The following PCDHGA10 variants were observed in gnomAD, a reference collection of about 807,000 sequenced individuals.
PCDHGA10 encodes the protein protocadherin gamma-A10.
Under a neutral mutation model 59.5 loss-of-function variants are expected in PCDHGA10, and 42 were observed. The observed-to-expected ratio is 0.71, with a 90% CI of 0.55 to 0.91. The LOEUF is 0.91. Among genes scored for constraint, PCDHGA10 ranks in the 40% least tolerant of loss-of-function variants. The pLI is 0.00. For missense variants in PCDHGA10, 1,111 were observed against 1,198.2 expected (o/e 0.93, Z 1.07); for synonymous variants, 511 against 517.2 (o/e 0.99, Z 0.16).
Position 141,423,508 on chromosome 5 carries a change from A to T in PCDHGA10, c.2436+7897A>T, listed in dbSNP as rs962526072. ...AACCTATTCCCACGAGGTCTCTCTCATTGCGGACTCGCAGAAGAGTCACCT... is the reference window on the plus strand; with the variant it reads ...AACCTATTCCCACGAGGTCTCTCTCTTTGCGGACTCGCAGAAGAGTCACCT... On this transcript the variant is annotated intron_variant, in intron 1 of 3. Coordinates refer to ENST00000398610, the MANE Select transcript of PCDHGA10 (RefSeq NM_018913.3). The T allele has an allele frequency of 9.9e-6, 16 of 1,613,742 alleles. No homozygotes were observed. The highest frequency in any genetic ancestry group is 1.6e-4 in the Middle Eastern group (1 of 6,084).
intron 1 of PCDHGA10, among the ~76,000 whole-genome samples, chr5:141,468,089 T>C (rs1349447353): frequency 6.6e-6 from 1 of 151,010 alleles, no homozygotes; most frequent in Non-Finnish European, 1.5e-5. Context: ...CTTTGGGAGG[T>C]TGAGGCAGGC....
intron 1 of PCDHGA10, among the ~76,000 whole-genome samples, chr5:141,463,380 A>G (rs994170903): frequency 2.0e-5 from 3 of 149,876 alleles, no homozygotes; most frequent in Admixed American, 6.7e-5. Context: ...ACAGTCTGAA[A>G]GTTGTCTCCA....
At chr5:141,445,538 G>A (rs1188324168) in intron 1 of PCDHGA10, among the ~76,000 whole-genome samples, 1 of 152,168 alleles carries the variant, frequency 6.6e-6, no homozygotes, top group African/African-American at 2.4e-5. Flanking sequence ...AGCCAACAAG[G>A]AGAAATACAA....
intron 1 of PCDHGA10, chr5:141,419,399 G>T (rs893535249): frequency 6.2e-7 from 1 of 1,613,470 alleles, no homozygotes. Context: ...GAGCGGGGTG[G>T]TGTTCGCGCA....
rs764976894 is a variant in PCDHGA10, at chr5:141,476,238, G to T, written c.2437-18569G>T. On this transcript the variant is annotated intron_variant, in intron 1 of 3. Transcript: ENST00000398610. The surrounding 1 kb of genome is among the most constrained non-coding windows in gnomAD (Gnocchi z 7.6). ...ATTCACTATGAGATCCCGGAGGAAA[G>T]AGAGAAGGGTTTCGCTGTGGGCAAC... is the stretch of plus-strand genomic sequence containing the variant. The T allele has an allele frequency of 3.1e-6, 5 of 1,614,098 alleles. No individual in the cohort carries two copies. The highest frequency in any genetic ancestry group is 4.2e-6 in the Non-Finnish European group (5 of 1,180,012).
At chr5:141,418,830 G>T (rs371820904) in intron 1 of PCDHGA10, 44 of 1,613,858 alleles carry the variant, frequency 2.7e-5, no homozygotes, top group Non-Finnish European at 3.6e-5. Flanking sequence ...GCAAAAGACC[G>T]AGGATCTCTC....
rs1396744157 is a variant in PCDHGA10 at position 141,432,439 on chromosome 5, C to G, written c.2436+16828C>G. 22 of 1,614,108 alleles carry G rather than the reference C, an allele frequency of 1.4e-5. No individual in the cohort carries two copies. The highest frequency in any genetic ancestry group is 1.7e-5 in the Non-Finnish European group (20 of 1,180,052). On this transcript the variant is annotated intron_variant, in intron 1 of 3. Coordinates refer to ENST00000398610, the MANE Select transcript of PCDHGA10 (RefSeq NM_018913.3). This position sits in a 1 kb window ranked among gnomAD's most constrained non-coding sequence, Gnocchi z 6.0. ...TGCTGGACCAGAACGACAATGCGCCCGAGATCCTGTACCCCGCCCTCCCCA... is the reference window on the plus strand; with the variant it reads ...TGCTGGACCAGAACGACAATGCGCCGGAGATCCTGTACCCCGCCCTCCCCA...
rs530001704 is a variant in PCDHGA10, at chr5:141,434,708, ATC to A, written c.2436+19101_2436+19102del. 3.9e-3 allele frequency among the ~76,000 whole-genome samples: 589 copies of A among 152,052 alleles called. 6 individuals are homozygous for A. The highest frequency in any genetic ancestry group is 0.011 in the Admixed American group (170 of 15,250). ...TTGCTGTTAATAAATATGTGGGTAA[ATC>A]TCTGTTCAGGGCTCTCAGCTCTGAA... On this transcript the variant is annotated intron_variant, in intron 1 of 3. Coordinates refer to ENST00000398610, the MANE Select transcript of PCDHGA10 (RefSeq NM_018913.3).
At position 141,477,843 on chromosome 5, in the gene PCDHGA10, C is replaced by T; in HGVS notation, c.2437-16964C>T. The T allele has an allele frequency of 6.2e-7, 1 of 1,613,408 alleles. No homozygotes were observed. Among genetic ancestry groups the T allele is most frequent in the Non-Finnish European group, 8.5e-7 (1 of 1,179,796 alleles). On this transcript the variant is annotated intron_variant, in intron 1 of 3. Coordinates refer to ENST00000398610, the MANE Select transcript of PCDHGA10 (RefSeq NM_018913.3). The surrounding 1 kb of genome is among the most constrained non-coding windows in gnomAD (Gnocchi z 4.9). Reference sequence around the variant, plus strand: ...CTATATCCTCGGCCAGGTGGGAGCTCGGTGGAGATGCTGCCTCGAGGTACC... The same window carrying T: ...CTATATCCTCGGCCAGGTGGGAGCTTGGTGGAGATGCTGCCTCGAGGTACC...
At chr5:141,457,933 TATTGGC>T (rs2098933012) in intron 1 of PCDHGA10, among the ~76,000 whole-genome samples, 2 of 152,206 alleles carry the variant, frequency 1.3e-5, no homozygotes, top group Non-Finnish European at 2.9e-5. Context: ...AAGGGGCTTT[TATTGGC>T]TCTGCATGTC....
intron 1 of PCDHGA10, chr5:141,422,520 G>A (rs759529752): frequency 1.9e-6 from 3 of 1,613,946 alleles, no homozygotes; most frequent in South Asian, 2.2e-5. Flanking sequence ...AGGGAAGCCC[G>A]CCTTTGTCTG....
chr5:141,481,679 C>T (rs2099541734), intron 1 of PCDHGA10, among the ~76,000 whole-genome samples: 1 of 151,948 alleles, frequency 6.6e-6, no homozygotes, highest in Non-Finnish European at 1.5e-5. Context: ...TCAGGCCGGG[C>T]CTGGTGGCTC....
In PCDHGA10 at chr5:141,432,365, G is replaced by A. The variant is rs1561860587; in HGVS notation, c.2436+16754G>A. The A allele has an allele frequency of 6.2e-7, 1 of 1,614,224 alleles. No homozygotes were observed. The highest frequency in any genetic ancestry group is 2.2e-5 in the East Asian group (1 of 44,882). ...CTTGCAAGTGAAAGTGATGGCGCGG[G>A]ACAACGGGCACCCGCCCCTCAGCAG... On this transcript the variant is annotated intron_variant, in intron 1 of 3. Transcript: ENST00000398610. The surrounding 1 kb of genome is among the most constrained non-coding windows in gnomAD (Gnocchi z 6.0).
At position 141,417,888 on chromosome 5, in the gene PCDHGA10, G is replaced by C. The variant is rs1406210540; in HGVS notation, c.2436+2277G>C. ...GGAGGGAGCTGCGCGCAGAGGCGCC[G>C]GGCCGGCCCGCGGCAGGTACTATTT... is the stretch of plus-strand genomic sequence containing the variant. On this transcript the variant is annotated intron_variant, in intron 1 of 3. Transcript: ENST00000398610. 1.3e-6 allele frequency: 2 copies of C among 1,566,652 alleles called. No homozygotes were observed. The highest frequency in any genetic ancestry group is 1.7e-4 in the Middle Eastern group (1 of 6,016).
intron 1 of PCDHGA10, chr5:141,418,409 G>A (rs2096254230): frequency 6.2e-7 from 1 of 1,613,792 alleles, no homozygotes; most frequent in African/African-American, 1.3e-5. Context: ...GGTGGAGAAA[G>A]ACAATCCTGA....
chr5:141,425,881 A>C (rs911454948), intron 1 of PCDHGA10, among the ~76,000 whole-genome samples: 1 of 152,230 alleles, frequency 6.6e-6, no homozygotes, highest in African/African-American at 2.4e-5. Context: ...TCTCTAAGGA[A>C]TCTTCTTTGG....
rs1256615029 is a variant in PCDHGA10 at position 141,512,740 on chromosome 5, C to T, written c.*1567C>T. ...GCGGGTGGGCAGCGGGCGGCGGGCT[C>T]CGCGCAGCCGTCTGTCCTTGATCTG... On this transcript the variant is annotated 3_prime_UTR_variant, in exon 4 of 4. Transcript: ENST00000398610. 1 of 152,788 alleles carries T rather than the reference C, an allele frequency of 6.5e-6. No individual in the cohort carries two copies. The highest frequency in any genetic ancestry group is 1.5e-5 in the Non-Finnish European group (1 of 68,570). The allele number at this position is 152,788 out of a possible 1,614,324, so 9.5% of individuals were successfully genotyped here.
chr5:141,432,586 C>G lies in PCDHGA10; in HGVS notation c.2436+16975C>G. 6.2e-7 allele frequency: 1 copy of G among 1,613,852 alleles called. No homozygotes were observed. The highest frequency in any genetic ancestry group is 8.5e-7 in the Non-Finnish European group (1 of 1,179,972). On this transcript the variant is annotated intron_variant, in intron 1 of 3. Transcript: ENST00000398610. The surrounding 1 kb of genome is among the most constrained non-coding windows in gnomAD (Gnocchi z 6.0). ...ACGCCTGGCTGTCCTACCGTCTGCT[C>G]AAGGCCAGCGAGCCGGGACTCTTCT...
chr5:141,493,141 C>T lies in PCDHGA10; in HGVS notation c.2437-1666C>T, dbSNP rs1327581425. On this transcript the variant is annotated intron_variant, in intron 1 of 3. Coordinates refer to ENST00000398610, the MANE Select transcript of PCDHGA10 (RefSeq NM_018913.3). This position sits in a 1 kb window ranked among gnomAD's most constrained non-coding sequence, Gnocchi z 4.3. ...CTCCTAGGACTGTATTTTGAAACAC[C>T]CCCAGGTGATTTTGATAGCTGATTG... Among the ~76,000 whole-genome samples the T allele has an allele frequency of 1.4e-5, 2 of 146,284 alleles. No homozygotes were observed. Among genetic ancestry groups the T allele is most frequent in the East Asian group, 2.0e-4 (1 of 5,022 alleles).
Sources: allele counts gnomAD v4.1 joint callset (sites outside exome capture counted in the v4.1 genomes callset), GRCh38; gene constraint gnomAD v4.1.1; non-coding constraint Gnocchi (gnomAD v3.1); transcripts MANE v1.5; gene names NCBI Gene and HGNC (gene_info 2026-07-23, HGNC 2026-07-21).